Variants in ARNT2 observed in about 807,000 individuals in gnomAD.
The protein encoded by ARNT2 is ARNT protein 2.
Under a neutral mutation model 91.7 loss-of-function variants are expected in ARNT2, and 36 were observed. The ratio of observed to expected loss-of-function variants is 0.39; its 90% CI spans 0.30 to 0.52. ARNT2 has a LOEUF of 0.52. Ranked by LOEUF, ARNT2 falls within the 20% of genes least tolerant of loss-of-function variation. ARNT2 has a pLI of 0.72. For synonymous variants in ARNT2, 365 were observed against 347.1 expected, an observed-to-expected ratio of 1.05 and a Z score of -0.57; for missense variants, 775 against 939.3, an observed-to-expected ratio of 0.83 and a Z score of 2.29.
At chr15:80,407,652 A>G (rs996004959) in intron 1 of ARNT2, among the ~76,000 whole-genome samples, 56 of 152,248 alleles carry the variant, frequency 3.7e-4, no homozygotes, top group African/African-American at 1.3e-3. Flanking sequence ...CTGGCCAGGA[A>G]TGACATATAT....
intron 1 of ARNT2, among the ~76,000 whole-genome samples, chr15:80,412,848 G>T (rs936956775): frequency 6.6e-6 from 1 of 152,182 alleles, no homozygotes; most frequent in South Asian, 2.1e-4. Flanking sequence ...GTCCACAAAG[G>T]TTAGAACAGA....
At chr15:80,503,293 C>T (rs571189202) in intron 5 of ARNT2, among the ~76,000 whole-genome samples, 91 of 152,202 alleles carry the variant, frequency 6.0e-4, no homozygotes, top group Admixed American at 1.9e-3. Context: ...TTTTGTACAT[C>T]TCAACTGCTA....
At chr15:80,582,319 C>T (rs899016371) in intron 17 of ARNT2, among the ~76,000 whole-genome samples, 57 of 147,716 alleles carry the variant, frequency 3.9e-4, no homozygotes, top group African/African-American at 1.3e-3. Context: ...TTGCAAAACC[C>T]TGTCTCTACA....
intron 8 of ARNT2, among the ~76,000 whole-genome samples, chr15:80,519,264 T>C (rs1341123654): frequency 6.6e-6 from 1 of 152,108 alleles, no homozygotes; most frequent in African/African-American, 2.4e-5. Flanking sequence ...TCTCCAAAGA[T>C]GATTTTGAGG....
At chr15:80,507,047 G>A (rs1052922907) in intron 5 of ARNT2, among the ~76,000 whole-genome samples, 1 of 152,224 alleles carries the variant, frequency 6.6e-6, no homozygotes, top group Non-Finnish European at 1.5e-5. Flanking sequence ...ACACCAAAAG[G>A]GGGCAGTGAG....
intron 5 of ARNT2, among the ~76,000 whole-genome samples, chr15:80,493,077 C>T (rs1432762357): frequency 1.3e-5 from 2 of 152,176 alleles, no homozygotes; most frequent in Non-Finnish European, 2.9e-5. Flanking sequence ...CAGGGGCCCT[C>T]GTGCTGTGTC....
At chr15:80,446,614 A>G (rs1178501359) in intron 1 of ARNT2, among the ~76,000 whole-genome samples, 2 of 152,214 alleles carry the variant, frequency 1.3e-5, no homozygotes, top group Admixed American at 1.3e-4. Context: ...GCCCTTCACT[A>G]GCCATGTTAC....
chr15:80,416,877 G>A (rs1895792899), intron 1 of ARNT2, among the ~76,000 whole-genome samples: 1 of 152,096 alleles, frequency 6.6e-6, no homozygotes, highest in Non-Finnish European at 1.5e-5. Flanking sequence ...GTATAGACAA[G>A]ACTAAGGAAA....
chr15:80,414,058 A>G (rs1311578832), intron 1 of ARNT2, among the ~76,000 whole-genome samples: 2 of 152,212 alleles, frequency 1.3e-5, no homozygotes, highest in African/African-American at 4.8e-5. Flanking sequence ...TGGTGCACCA[A>G]TTTTTAAATT....
At chr15:80,421,407 G>A (rs1442797246) in intron 1 of ARNT2, among the ~76,000 whole-genome samples, 4 of 132,372 alleles carry the variant, frequency 3.0e-5, no homozygotes, top group Non-Finnish European at 6.3e-5. Context: ...AGAAAGAAAA[G>A]AAAGGAAGGA....
chr15:80,554,266 G>T (rs1898136497), intron 10 of ARNT2, among the ~76,000 whole-genome samples: 1 of 152,018 alleles, frequency 6.6e-6, no homozygotes, highest in African/African-American at 2.4e-5. Flanking sequence ...AAAATTAGCT[G>T]GGCATGGTGG....
At chr15:80,476,566 C>A (rs556622898) in intron 5 of ARNT2, among the ~76,000 whole-genome samples, 1 of 152,274 alleles carries the variant, frequency 6.6e-6, no homozygotes, top group Admixed American at 6.5e-5. Context: ...CTGTTGTATT[C>A]CCACTTGCTT....
At chr15:80,416,298 T>C (rs1895785022) in intron 1 of ARNT2, among the ~76,000 whole-genome samples, 1 of 152,184 alleles carries the variant, frequency 6.6e-6, no homozygotes, top group African/African-American at 2.4e-5. Flanking sequence ...TCAGTTTTTT[T>C]TTTCTCTGTC....
intron 12 of ARNT2, among the ~76,000 whole-genome samples, chr15:80,567,234 A>G (rs28485186): frequency 8.1e-4 from 123 of 152,310 alleles, no homozygotes; most frequent in African/African-American, 2.8e-3. Flanking sequence ...TGAAGGAGCC[A>G]GGTGCAGGGC....
At chr15:80,446,189 A>G (rs2141377402) in intron 1 of ARNT2, among the ~76,000 whole-genome samples, 1 of 152,238 alleles carries the variant, frequency 6.6e-6, no homozygotes, top group Admixed American at 6.5e-5. Context: ...TTATATAAAG[A>G]TCACACGTAC....
At chr15:80,571,581 A>C (rs1898584362) in intron 12 of ARNT2, among the ~76,000 whole-genome samples, 1 of 152,312 alleles carries the variant, frequency 6.6e-6, no homozygotes, top group Admixed American at 6.5e-5. Context: ...AAGTTTGGCC[A>C]GTGGAGGGAC....
chr15:80,482,580 C>CA (rs1896906922), intron 5 of ARNT2, among the ~76,000 whole-genome samples: 1 of 152,120 alleles, frequency 6.6e-6, no homozygotes, highest in African/African-American at 2.4e-5. Flanking sequence ...CATCTAGAGA[C>CA]AAAAAAGCCT....
At chr15:80,433,474 C>G (rs971901157) in intron 1 of ARNT2, among the ~76,000 whole-genome samples, 1 of 151,620 alleles carries the variant, frequency 6.6e-6, no homozygotes, top group South Asian at 2.1e-4. Flanking sequence ...TTAGTAGAGA[C>G]GAGGTTTCAC....
intron 8 of ARNT2, among the ~76,000 whole-genome samples, chr15:80,530,052 C>T (rs1423292855): frequency 1.3e-5 from 2 of 152,010 alleles, no homozygotes; most frequent in Non-Finnish European, 2.9e-5. Context: ...GGCTCTAATT[C>T]CTTAACTCGG....
Sources: allele counts gnomAD v4.1 joint callset (sites outside exome capture counted in the v4.1 genomes callset), GRCh38; gene constraint gnomAD v4.1.1; transcripts MANE v1.5; gene names NCBI Gene and HGNC (gene_info 2026-07-23, HGNC 2026-07-21).